The following PIWIL4 variants were observed in gnomAD, a reference collection of about 807,000 sequenced individuals.
PIWIL4 encodes piwi like RNA-mediated gene silencing 4.
A neutral mutation model predicts 100.9 loss-of-function variants in PIWIL4; 50 were observed. That is an observed-to-expected ratio of 0.50 (90% CI 0.39 to 0.63). The LOEUF is 0.63. PIWIL4 is among the 20% of genes least tolerant of loss of function. The pLI is 0.00. For synonymous variants in PIWIL4, 342 were observed against 367.5 expected, an observed-to-expected ratio of 0.93 and a Z score of 0.79; for missense variants, 887 against 1,043.3, an observed-to-expected ratio of 0.85 and a Z score of 2.06.
At chr11:94,607,143 T>C (rs1168139347) in intron 13 of PIWIL4, among the ~76,000 whole-genome samples, 2 of 151,590 alleles carry the variant, frequency 1.3e-5, no homozygotes, top group Admixed American at 1.3e-4. Context: ...TTTGAGGGAA[T>C]TGACAGAATC....
chr11:94,569,489 C>A (rs1208911669), intron 2 of PIWIL4, among the ~76,000 whole-genome samples: 1 of 152,206 alleles, frequency 6.6e-6, no homozygotes, highest in Non-Finnish European at 1.5e-5. Flanking sequence ...AGTGATTCTC[C>A]TGCCTCAACC....
intron 2 of PIWIL4, among the ~76,000 whole-genome samples, chr11:94,571,047 C>T (rs1948144532): frequency 6.6e-6 from 1 of 152,168 alleles, no homozygotes; most frequent in Non-Finnish European, 1.5e-5. Context: ...TCTGGTCCCC[C>T]CACCCATCTC....
At position 94,598,611 on chromosome 11, in the gene PIWIL4, T is replaced by C. The variant is rs114000025; in HGVS notation, c.1380+696T>C. On this transcript the variant is annotated intron_variant, in intron 11 of 19. Transcript: ENST00000299001. The stretch of plus-strand genomic sequence containing the variant: ...CATGTCATGTTTAAAGGCTCTCTTC[T>C]TGCCTTTATTGGGTGTAATAAACCA... 5.8e-3 allele frequency among the ~76,000 whole-genome samples: 886 copies of C among 152,284 alleles called. 8 individuals carry two copies. Among genetic ancestry groups the C allele is most frequent in the African/African-American group, 0.02 (845 of 41,554 alleles).
chr11:94,609,459 T>A (rs574586445), intron 15 of PIWIL4, among the ~76,000 whole-genome samples: 1 of 152,304 alleles, frequency 6.6e-6, no homozygotes, highest in East Asian at 1.9e-4. Flanking sequence ...TAAGCTATTT[T>A]ATTTACTCCA....
At chr11:94,580,801 A>G (rs563597382) in intron 4 of PIWIL4, among the ~76,000 whole-genome samples, 1 of 150,046 alleles carries the variant, frequency 6.7e-6, no homozygotes, top group African/African-American at 2.5e-5. Flanking sequence ...GCAGATCTAT[A>G]CTTTGTGTCC....
intron 2 of PIWIL4, among the ~76,000 whole-genome samples, chr11:94,570,597 A>G (rs1319499105): frequency 6.6e-6 from 1 of 152,096 alleles, no homozygotes; most frequent in East Asian, 1.9e-4. Context: ...CCTGAATAAA[A>G]CCAGTTAGCC....
chr11:94,603,863 A>G, intron 12 of PIWIL4, 121 bp from the exon 13 acceptor site: 1 of 603,712 alleles, frequency 1.7e-6, no homozygotes, highest in Non-Finnish European at 2.8e-6. Context: ...ATTTTCTCTA[A>G]TAATTTTTCC....
At chr11:94,604,226 C>T (rs778625907) in intron 13 of PIWIL4, among the ~76,000 whole-genome samples, 170 bp downstream of exon 13, 1 of 152,114 alleles carries the variant, frequency 6.6e-6, no homozygotes, top group Admixed American at 6.5e-5. Context: ...TATTTCCTTT[C>T]CACATTTCTA....
chr11:94,619,961 C>A (rs967123606), intron 18 of PIWIL4, 36 bp from the exon 19 acceptor site: 2 of 1,614,058 alleles, frequency 1.2e-6, no homozygotes, highest in Admixed American at 3.3e-5. Flanking sequence ...ATTCTGTTTG[C>A]CTTCTTTCCT....
intron 4 of PIWIL4, among the ~76,000 whole-genome samples, chr11:94,579,420 A>G (rs1037928721): frequency 3.3e-5 from 5 of 149,566 alleles, no homozygotes; most frequent in Admixed American, 6.6e-5. Context: ...ACTACAAGAA[A>G]AAAAGAACCA....
At chr11:94,600,775 G>C (rs1006775476) in intron 11 of PIWIL4, among the ~76,000 whole-genome samples, 6 of 151,960 alleles carry the variant, frequency 3.9e-5, no homozygotes, top group African/African-American at 1.5e-4. Context: ...ACGCCCAGGG[G>C]GGCCAGTTCA....
rs1418123151 is a variant in PIWIL4, at chr11:94,612,881, T to C, written c.1944-3612T>C. ...TGCATCTTCTTATATTGTGTATATA[T>C]GCATTAATTATATTGTGTAGCTGTT... On this transcript the variant is annotated intron_variant, in intron 15 of 19. Transcript: ENST00000299001. 2.6e-5 allele frequency among the ~76,000 whole-genome samples: 4 copies of C among 152,214 alleles called. No homozygotes were observed. In the East Asian group the frequency reaches 7.7e-4, roughly 29 times the overall value.
In PIWIL4 at chr11:94,620,006, T is replaced by C. The variant is rs16920720; in HGVS notation, c.2304T>C (p.Phe768=). Residue 768 remains phenylalanine (F), a synonymous_variant, in exon 19 of 20, where the codon TTT becomes TTC. Transcript: ENST00000299001. ...CCATTTTCCCCCTCAGGTATGACTT[T>C]TATCTGATCAGCCAGGTGGCCTGCC... is the stretch of plus-strand genomic sequence containing the variant. ...SEATRNEWYD[F]YLISQVACRG... 8.9e-4 allele frequency: 1,438 copies of C among 1,614,172 alleles called. 9 individuals carry two copies. The African/African-American group carries it at 0.017, about 20-fold the overall frequency.
intron 3 of PIWIL4, 38 bp downstream of exon 3, chr11:94,575,168 C>T: frequency 1.9e-6 from 3 of 1,600,834 alleles, no homozygotes; most frequent in Non-Finnish European, 2.6e-6. Flanking sequence ...TTAATGTTAC[C>T]AAATCTTGCT....
intron 15 of PIWIL4, among the ~76,000 whole-genome samples, chr11:94,614,300 CTTTTT>C (rs57731239): frequency 8.3e-6 from 1 of 120,144 alleles, no homozygotes; most frequent in African/African-American, 3.2e-5. Context: ...TTTTTCTTTT[CTTTTT>C]TTTTTTTTTT....
intron 7 of PIWIL4, among the ~76,000 whole-genome samples, chr11:94,588,071 C>T (rs1057112015): frequency 6.6e-6 from 1 of 152,126 alleles, no homozygotes; most frequent in South Asian, 2.1e-4. Context: ...GTATTAAATC[C>T]AGCATGCATT....
chr11:94,588,971 A>AT, intron 7 of PIWIL4, 150 bp from the exon 8 acceptor site: 1 of 592,214 alleles, frequency 1.7e-6, no homozygotes, highest in East Asian at 3.0e-5. Context: ...AGAGCTGAGT[A>AT]TTTTTTAAAA....
chr11:94,611,687 A>T (rs1948788588), intron 15 of PIWIL4, among the ~76,000 whole-genome samples: 1 of 152,092 alleles, frequency 6.6e-6, no homozygotes, highest in Non-Finnish European at 1.5e-5. Flanking sequence ...AGTTTGTGCA[A>T]CAGCTGGCGG....
At chr11:94,595,286 T>C in intron 9 of PIWIL4, 23 bp from the exon 10 acceptor site, 1 of 1,600,660 alleles carries the variant, frequency 6.2e-7, no homozygotes, top group Non-Finnish European at 8.6e-7. Context: ...TTTTCTCACT[T>C]TGTCTTCATT....
Sources: allele counts gnomAD v4.1 joint callset (sites outside exome capture counted in the v4.1 genomes callset), GRCh38; gene constraint gnomAD v4.1.1; transcripts MANE v1.5; gene names NCBI Gene and HGNC (gene_info 2026-07-23, HGNC 2026-07-21).